GRID1: variants seen among roughly 807,000 people sequenced by gnomAD.
The protein encoded by GRID1 is glutamate ionotropic receptor delta type subunit 1.
A neutral mutation model predicts 98.0 loss-of-function variants in GRID1; 28 were observed. The ratio of observed to expected loss-of-function variants is 0.29; its 90% CI spans 0.21 to 0.39. GRID1 has a LOEUF of 0.39. GRID1 is among the 10% of genes least tolerant of loss of function. GRID1 has a pLI of 1.00. For synonymous variants in GRID1, 553 were observed against 538.5 expected, an observed-to-expected ratio of 1.03 and a Z score of -0.37; for missense variants, 1,111 against 1,340.5, an observed-to-expected ratio of 0.83 and a Z score of 2.67.
chr10:85,893,459 G>T (rs1407183573), intron 5 of GRID1, among the ~76,000 whole-genome samples: 1 of 152,128 alleles, frequency 6.6e-6, no homozygotes, highest in East Asian at 1.9e-4. Flanking sequence ...TTCAGGGATG[G>T]CATGATAGTC....
intron 10 of GRID1, among the ~76,000 whole-genome samples, chr10:85,726,637 C>A (rs1841762917): frequency 6.6e-6 from 1 of 152,146 alleles, no homozygotes; most frequent in Admixed American, 6.5e-5. Flanking sequence ...GCCTCAAATA[C>A]ACACACTACG....
intron 3 of GRID1, among the ~76,000 whole-genome samples, chr10:86,182,790 G>A (rs1213405259): frequency 3.3e-5 from 5 of 152,124 alleles, no homozygotes; most frequent in East Asian, 1.9e-4. Flanking sequence ...AGTCAGCACC[G>A]CTTGCTTATG....
intron 4 of GRID1, among the ~76,000 whole-genome samples, chr10:86,136,546 GC>G (rs1352897073): frequency 1.3e-5 from 2 of 152,198 alleles, no homozygotes; most frequent in Admixed American, 1.3e-4. Flanking sequence ...AACATCTTTA[GC>G]TTTTCCATTT....
intron 2 of GRID1, among the ~76,000 whole-genome samples, chr10:86,304,216 C>T (rs982327304): frequency 6.6e-6 from 1 of 152,240 alleles, no homozygotes; most frequent in African/African-American, 2.4e-5. Context: ...CCTCGGCTCA[C>T]TGTGTGATGT....
At chr10:85,772,754 C>T (rs1285484574) in intron 8 of GRID1, among the ~76,000 whole-genome samples, 1 of 152,200 alleles carries the variant, frequency 6.6e-6, no homozygotes, top group East Asian at 1.9e-4. Context: ...ACACATACAC[C>T]CTCCCAAGAC....
At chr10:86,134,546 C>A (rs1844887645) in intron 4 of GRID1, among the ~76,000 whole-genome samples, 1 of 152,114 alleles carries the variant, frequency 6.6e-6, no homozygotes, top group Non-Finnish European at 1.5e-5. Context: ...TGAAAAGGAC[C>A]CCAAGAACAC....
At chr10:85,997,445 G>A (rs543350497) in intron 4 of GRID1, among the ~76,000 whole-genome samples, 14 of 151,938 alleles carry the variant, frequency 9.2e-5, no homozygotes, top group African/African-American at 1.4e-4. Flanking sequence ...TTTGATGAAC[G>A]TAGAGGGAAC....
rs138147910 is a variant in GRID1 at position 85,667,050 on chromosome 10, T to G, written c.1998-19653A>C. ...TCATTAGGCTGTAAAGAGAGGGAAC[T>G]AAGCAGAGGCAGAGAGGAGCAGACA... is the stretch of plus-strand genomic sequence containing the variant. On this transcript the variant is annotated intron_variant, in intron 12 of 15. Coordinates refer to ENST00000327946, the MANE Select transcript of GRID1 (RefSeq NM_017551.3). Among the ~76,000 whole-genome samples the G allele has an allele frequency of 2.4e-4, 36 of 152,308 alleles. No individual in the cohort carries two copies. In the East Asian group the frequency reaches 6.2e-3, roughly 26 times the overall value.
chr10:85,914,612 A>C (rs1158405953), intron 5 of GRID1, among the ~76,000 whole-genome samples: 2 of 152,186 alleles, frequency 1.3e-5, no homozygotes, highest in African/African-American at 4.8e-5. Flanking sequence ...TAAGATGTGA[A>C]TTCATGGAGG....
chr10:85,801,791 A>C (rs1471898205), intron 8 of GRID1, among the ~76,000 whole-genome samples: 18 of 151,940 alleles, frequency 1.2e-4, no homozygotes, highest in Admixed American at 1.2e-3. Context: ...TACATGTTCT[A>C]GAATATACAA....
At chr10:85,658,090 G>T (rs1840923173) in intron 12 of GRID1, among the ~76,000 whole-genome samples, 1 of 152,164 alleles carries the variant, frequency 6.6e-6, no homozygotes, top group South Asian at 2.1e-4. Context: ...TGCAAATCAG[G>T]GCAGCAGCCC....
At chr10:85,774,975 G>A (rs1429504881) in intron 8 of GRID1, among the ~76,000 whole-genome samples, 3 of 151,628 alleles carry the variant, frequency 2.0e-5, no homozygotes, top group Non-Finnish European at 2.9e-5. Flanking sequence ...CCCATTACTG[G>A]GTATATACCC....
intron 4 of GRID1, among the ~76,000 whole-genome samples, chr10:86,093,388 GAA>G (rs539263812): frequency 8.2e-6 from 1 of 121,676 alleles, no homozygotes; most frequent in East Asian, 2.5e-4. Flanking sequence ...AAATGAAACT[GAA>G]AAAAAAAAAA....
chr10:86,229,221 ACT>A (rs1846409409), intron 2 of GRID1, among the ~76,000 whole-genome samples: 4 of 151,780 alleles, frequency 2.6e-5, no homozygotes, highest in Middle Eastern at 3.4e-3. Context: ...AGGCCACCCC[ACT>A]CTCTAGCAAG....
chr10:86,328,141 G>A (rs1848080087), intron 2 of GRID1, among the ~76,000 whole-genome samples: 1 of 152,218 alleles, frequency 6.6e-6, no homozygotes, highest in South Asian at 2.1e-4. Flanking sequence ...AGCAAGTGCA[G>A]TAAATAGGTG....
At chr10:86,057,112 A>T (rs1000514025) in intron 4 of GRID1, among the ~76,000 whole-genome samples, 1 of 152,142 alleles carries the variant, frequency 6.6e-6, no homozygotes, top group Non-Finnish European at 1.5e-5. Context: ...AGTGGAGAGG[A>T]CTCTACAGAG....
chr10:85,642,327 T>A (rs141168153), intron 13 of GRID1, among the ~76,000 whole-genome samples: 1 of 152,210 alleles, frequency 6.6e-6, no homozygotes, highest in African/African-American at 2.4e-5. Flanking sequence ...GATAAGTGCA[T>A]GTGGCTGAGA....
At chr10:86,140,011 T>C (rs1435893595) in intron 3 of GRID1, among the ~76,000 whole-genome samples, 1 of 152,230 alleles carries the variant, frequency 6.6e-6, no homozygotes, top group Non-Finnish European at 1.5e-5. Context: ...GACACGGTCC[T>C]GACAATGTCA....
intron 2 of GRID1, among the ~76,000 whole-genome samples, chr10:86,216,068 C>G (rs752610817): frequency 6.6e-6 from 1 of 152,248 alleles, no homozygotes; most frequent in African/African-American, 2.4e-5. Context: ...CACACTTCCA[C>G]TCACTCCCGA....
Sources: gnomAD v4.1 joint callset for allele counts (sites outside exome capture counted in the v4.1 genomes callset) on GRCh38, gnomAD v4.1.1 for gene constraint, MANE v1.5 for transcripts, NCBI Gene and HGNC (gene_info 2026-07-23, HGNC 2026-07-21) for gene names.